The following PCNX1 variants were observed in gnomAD, a reference collection of about 807,000 sequenced individuals.
PCNX1 encodes the protein pecanex 1.
Under a neutral mutation model 242.2 loss-of-function variants are expected in PCNX1, and 78 were observed. The ratio of observed to expected loss-of-function variants is 0.32; its 90% confidence interval spans 0.27 to 0.39. The LOEUF (loss-of-function observed/expected upper bound fraction) is 0.39. PCNX1 is among the 10% of genes least tolerant of loss of function. The pLI, the probability that PCNX1 is intolerant of heterozygous loss-of-function variation, is 1.00. For synonymous variants in PCNX1, 1,024 were observed against 1,032.9 expected, an observed-to-expected ratio of 0.99 and a Z score of 0.17; for missense variants, 2,581 against 2,856.5, an observed-to-expected ratio of 0.90 and a Z score of 2.20.
intron 5 of PCNX1, among the ~76,000 whole-genome samples, chr14:70,975,867 T>C (rs2058673062): frequency 6.6e-6 from 1 of 151,898 alleles, no homozygotes; most frequent in Non-Finnish European, 1.5e-5. Context: ...AGCAGTGGTC[T>C]TACAGATACA....
At position 71,028,573 on chromosome 14, in the gene PCNX1, G is replaced by A. The variant is rs1176833739; in HGVS notation, c.3467-127G>A. The A allele has an allele frequency of 6.3e-5, 36 of 568,928 alleles. 1 individual carries two copies. The highest frequency in any genetic ancestry group is 3.0e-6 in the Non-Finnish European group (1 of 332,064). 35.2% of individuals were successfully genotyped at this position (568,928 alleles called of 1,614,324 possible). A position where few individuals can be genotyped will look rare whatever the true frequency, so the allele number is the denominator to read the frequency against. ...GAAATAATGAAGTAACTGAATTTCT[G>A]AAATTCAGATTAGTAGATATTTAAT... On this transcript the variant is annotated intron_variant, in intron 15 of 35. Transcript: ENST00000304743.
At chr14:71,025,648 T>G (rs931560890) in intron 13 of PCNX1, among the ~76,000 whole-genome samples, 38 of 152,056 alleles carry the variant, frequency 2.5e-4, no homozygotes, top group African/African-American at 8.9e-4. Context: ...GAGCCCAATG[T>G]GGGCAGATCA....
chr14:71,095,682 A>AT lies in PCNX1; in HGVS notation c.5590-6300dup, dbSNP rs200603924. The stretch of plus-strand genomic sequence containing the variant: ...CTATATGAATTAATTGTAACATGCT[A>AT]TTTTTTTTCATTTAATATGACATGG... On this transcript the variant is annotated intron_variant, in intron 30 of 35. Transcript: ENST00000304743. Among the ~76,000 whole-genome samples the AT allele has an allele frequency of 8.4e-3, 1,277 of 151,964 alleles. 10 individuals are homozygous for AT. The highest frequency in any genetic ancestry group is 0.011 in the African/African-American group (441 of 41,402).
chr14:71,041,143 C>A (rs61990404), intron 19 of PCNX1, among the ~76,000 whole-genome samples: 5,137 of 152,226 alleles, frequency 0.034, 101 homozygotes, highest in African/African-American at 0.048. Flanking sequence ...AACATGAGTA[C>A]AGATATCCCT....
chr14:71,073,152 G>A (rs753422886), intron 26 of PCNX1, among the ~76,000 whole-genome samples: 8 of 152,168 alleles, frequency 5.3e-5, no homozygotes, highest in Non-Finnish European at 1.2e-4. Flanking sequence ...AATTAGCTGG[G>A]CCTGGTGGCG....
At chr14:71,013,910 C>A (rs2059890260) in intron 11 of PCNX1, among the ~76,000 whole-genome samples, 1 of 152,160 alleles carries the variant, frequency 6.6e-6, no homozygotes, top group South Asian at 2.1e-4. Flanking sequence ...TTAGAGTCCA[C>A]AGGACAGACT....
At chr14:71,052,419 C>T (rs985211765) in intron 24 of PCNX1, among the ~76,000 whole-genome samples, 1 of 151,900 alleles carries the variant, frequency 6.6e-6, no homozygotes, top group Non-Finnish European at 1.5e-5. Flanking sequence ...GACTGTGTTG[C>T]CTATACTGCT....
In PCNX1 at chr14:70,910,195, CTCCTCCTCCTCG is replaced by C. The variant is rs1566808917; in HGVS notation, c.153+2204_153+2215del. On this transcript the variant is annotated intron_variant, in intron 1 of 35. Transcript: ENST00000304743. The stretch of plus-strand genomic sequence containing the variant: ...CCTCCTCCTCCTCCTCCTCCTCCTC[CTCCTCCTCCTCG>C]TCCTCCTCCTCCTCCTCCTCCTCTC... Among the ~76,000 whole-genome samples, 92 of 46,780 alleles carry C rather than the reference CTCCTCCTCCTCG, an allele frequency of 2.0e-3. 9 individuals are homozygous for C. Among genetic ancestry groups the C allele is most frequent in the Non-Finnish European group, 3.2e-3 (67 of 20,738 alleles). The allele number at this position is 46,780 out of a possible 152,430, so 30.7% of individuals were successfully genotyped here.
intron 12 of PCNX1, among the ~76,000 whole-genome samples, chr14:71,020,861 C>T (rs1418299460): frequency 6.6e-6 from 1 of 152,110 alleles, no homozygotes; most frequent in Non-Finnish European, 1.5e-5. Context: ...ATGGTATTGC[C>T]TAGGTTTTCT....
chr14:70,937,191 G>C (rs187356629), intron 1 of PCNX1, among the ~76,000 whole-genome samples: 23 of 152,254 alleles, frequency 1.5e-4, no homozygotes, highest in Non-Finnish European at 1.9e-4. Context: ...TGGTGTGTTG[G>C]TCATGAAGTC....
intron 6 of PCNX1, among the ~76,000 whole-genome samples, chr14:70,983,493 T>TG (rs1195698239): frequency 6.6e-6 from 1 of 152,044 alleles, no homozygotes; most frequent in Non-Finnish European, 1.5e-5. Flanking sequence ...TTAGTAGAGA[T>TG]GGGGTTTCAC....
intron 26 of PCNX1, among the ~76,000 whole-genome samples, chr14:71,062,174 C>CT (rs1013154758): frequency 1.3e-5 from 2 of 152,082 alleles, no homozygotes; most frequent in African/African-American, 4.8e-5. Flanking sequence ...GATACCTCCT[C>CT]AAGAAGAGCC....
chr14:70,933,928 G>C (rs914651094), intron 1 of PCNX1, among the ~76,000 whole-genome samples: 5 of 152,172 alleles, frequency 3.3e-5, no homozygotes, highest in Non-Finnish European at 5.9e-5. Flanking sequence ...AGTATATTAA[G>C]GAAGCAGGCT....
intron 7 of PCNX1, among the ~76,000 whole-genome samples, chr14:70,994,396 G>GATAGATAGATATAT (rs1555357306): frequency 1.0e-5 from 1 of 96,972 alleles, no homozygotes; most frequent in African/African-American, 3.8e-5. Context: ...ACAGGCTTAA[G>GATAGATAGATATAT]ATATATATAT....
intron 30 of PCNX1, 152 bp downstream of exon 30, chr14:71,089,494 CAGGGGTGGGG>C: frequency 1.7e-6 from 1 of 593,316 alleles, no homozygotes; most frequent in Non-Finnish European, 2.8e-6. Flanking sequence ...CACAGTTCCA[CAGGGGTGGGG>C]AGGCCTCAGG....
chr14:70,973,262 A>G (rs1441704818), intron 5 of PCNX1, among the ~76,000 whole-genome samples: 1 of 151,958 alleles, frequency 6.6e-6, no homozygotes, highest in East Asian at 1.9e-4. Context: ...CAAAAAAAAA[A>G]AAAAAAAGAA....
intron 1 of PCNX1, among the ~76,000 whole-genome samples, chr14:70,934,684 T>A (rs1241296909): frequency 6.6e-6 from 1 of 152,234 alleles, no homozygotes; most frequent in Non-Finnish European, 1.5e-5. Flanking sequence ...TCCCAGATCT[T>A]CTTGCTCACT....
In PCNX1 at chr14:70,930,762, C is replaced by T. The variant is rs987428330; in HGVS notation, c.154-16153C>T. ...TTAGTTTGGCCCTGTGTAGTTAGCT[C>T]AGTAGAATATTATGTTTTTTTTTTT... On this transcript the variant is annotated intron_variant, in intron 1 of 35. Transcript: ENST00000304743. Among the ~76,000 whole-genome samples the T allele has an allele frequency of 1.3e-4, 20 of 151,986 alleles. 3 individuals are homozygous for T. The Middle Eastern group carries it at 0.048, about 362-fold the overall frequency.
At chr14:70,949,014 TAAATA>T (rs1440928412) in intron 2 of PCNX1, among the ~76,000 whole-genome samples, 1 of 146,876 alleles carries the variant, frequency 6.8e-6, no homozygotes, top group East Asian at 2.0e-4. Flanking sequence ...TTTACTCGTA[TAAATA>T]AAATGTGTGT....
Sources: allele counts gnomAD v4.1 joint callset (sites outside exome capture counted in the v4.1 genomes callset), GRCh38; gene constraint gnomAD v4.1.1; transcripts MANE v1.5; gene names NCBI Gene and HGNC (gene_info 2026-07-23, HGNC 2026-07-21).